Variants in MANEA observed in about 807,000 individuals in gnomAD.
MANEA encodes mannosidase endo-alpha.
MANEA carries 25 observed loss-of-function variants against 36.8 expected under a neutral mutation model. That is an observed-to-expected ratio of 0.68 (90% CI 0.50 to 0.95). The LOEUF is 0.95. Ranked by LOEUF, MANEA falls within the 40% of genes least tolerant of loss-of-function variation. The pLI, the probability that MANEA is intolerant of heterozygous loss-of-function variation, is 0.00. For synonymous variants in MANEA, 198 were observed against 188.5 expected, an observed-to-expected ratio of 1.05 and a Z score of -0.41; for missense variants, 565 against 558.8, an observed-to-expected ratio of 1.01 and a Z score of -0.11.
At position 95,596,811 on chromosome 6, in the gene MANEA, A is replaced by C; in HGVS notation, c.619A>C (p.Thr207Pro). 1 of 1,599,836 alleles carries C rather than the reference A, an allele frequency of 6.3e-7. No homozygotes were observed. Among genetic ancestry groups the C allele is most frequent in the Non-Finnish European group, 8.6e-7 (1 of 1,167,446 alleles). ...NGEPTDNLVPTILDKAHKYNL... is the reference protein window; with the variant it reads ...NGEPTDNLVPPILDKAHKYNL... ...AGAACCTACTGATAACTTGGTACCC[A>C]CTATTTTGGATAAAGCTCATAAATA... Residue 207 changes from threonine (T) to proline (P), a missense_variant, in exon 3 of 5, where the codon ACT becomes CCT. Coordinates refer to ENST00000358812, the MANE Select transcript of MANEA (RefSeq NM_024641.4).
chr6:95,588,001 C>G (rs1769319480), intron 2 of MANEA, among the ~76,000 whole-genome samples: 1 of 151,860 alleles, frequency 6.6e-6, no homozygotes, highest in Non-Finnish European at 1.5e-5. Flanking sequence ...TTAACTGATT[C>G]TTATTGTTGT....
chr6:95,604,726 T>C, intron 3 of MANEA, 101 bp from the exon 4 acceptor site: 1 of 503,290 alleles, frequency 2.0e-6, no homozygotes, highest in Non-Finnish European at 3.5e-6. Context: ...CATCTTTAAT[T>C]AAGGTGATTA....
At chr6:95,589,900 C>G (rs1769356125) in intron 2 of MANEA, 1 of 152,080 alleles carries the variant, frequency 6.6e-6, no homozygotes, top group Non-Finnish European at 1.5e-5. Flanking sequence ...TATTTGGGTA[C>G]AGCTAATCTA....
Position 95,585,767 on chromosome 6 carries a change from A to T in MANEA, c.-38-635A>T, listed in dbSNP as rs73548677. Among the ~76,000 whole-genome samples the T allele has an allele frequency of 7.3e-3, 1,108 of 152,262 alleles. 15 individuals are homozygous for T. Among genetic ancestry groups the T allele is most frequent in the African/African-American group, 0.026 (1,062 of 41,548 alleles). On this transcript the variant is annotated intron_variant, in intron 1 of 4. Coordinates refer to ENST00000358812, the MANE Select transcript of MANEA (RefSeq NM_024641.4). ...CCTTTTATGAAATTGTTAGTTAAAA[A>T]TTTTTTAGAAAATCTGTTTAATGAC...
At position 95,606,385 on chromosome 6, in the gene MANEA, C is replaced by T. The variant is rs146501555; in HGVS notation, c.1369C>T (p.Arg457Cys). ...SKERATYALD[R>C]QLPVS is the part of the protein sequence containing the mutation. ...GGAAAGAGCAACTTATGCATTAGAT[C>T]GCCAGCTGCCTGTTTCTTAATGCAT... The change falls in exon 5 of 5, where the codon CGC (arginine) becomes TGC (cysteine). Residue 457 changes from arginine (R) to cysteine (C), a missense_variant. Coordinates refer to ENST00000358812, the MANE Select transcript of MANEA (RefSeq NM_024641.4). 26 of 1,593,982 alleles carry T rather than the reference C, an allele frequency of 1.6e-5. No homozygotes were observed. The highest frequency in any genetic ancestry group is 6.7e-5 in the East Asian group (3 of 44,760).
rs752977978 is a variant in MANEA, at chr6:95,586,675, T to G, written c.236T>G (p.Val79Gly). ...SETNTKNLKSVEITMKPSKAS... is the reference protein window; with the variant it reads ...SETNTKNLKSGEITMKPSKAS... ...ACAAATACCAAGAATTTAAAAAGTG[T>G]TGAAATCACTATGAAACCTTCCAAA... The change falls in exon 2 of 5, where the codon GTT becomes GGT. Residue 79 changes from valine (V) to glycine (G), a missense_variant. Transcript: ENST00000358812. 1 of 1,614,022 alleles carries G rather than the reference T, an allele frequency of 6.2e-7. No individual in the cohort carries two copies. Among genetic ancestry groups the G allele is most frequent in the Admixed American group, 1.7e-5 (1 of 60,026 alleles).
chr6:95,594,203 T>C (rs1374096648), intron 2 of MANEA, among the ~76,000 whole-genome samples: 1 of 152,198 alleles, frequency 6.6e-6, no homozygotes, highest in Non-Finnish European at 1.5e-5. Flanking sequence ...TTGAATACTG[T>C]AGTCTAGTAA....
chr6:95,597,866 C>T (rs1467070277), intron 3 of MANEA, among the ~76,000 whole-genome samples: 2 of 151,696 alleles, frequency 1.3e-5, no homozygotes, highest in Non-Finnish European at 2.9e-5. Flanking sequence ...TACTATTGTC[C>T]ACTTTTGGGG....
intron 3 of MANEA, among the ~76,000 whole-genome samples, chr6:95,597,970 T>G (rs1197200557): frequency 6.6e-6 from 1 of 152,104 alleles, no homozygotes. Context: ...ACCTATAGTT[T>G]CAGAAGAGAG....
rs1322905574 is a variant in MANEA at position 95,605,952 on chromosome 6, T to C, written c.936T>C (p.Ile312=). ...TAGAAGAAAAACATAAGTATGATAT[T>C]CTTCAAAGTGGTTTTGATGGAATTT... The part of the protein sequence containing the change: ...LLVEEKHKYD[I]LQSGFDGIYT... The change falls in exon 5 of 5, where the codon ATT becomes ATC. Residue 312 remains isoleucine (I), a synonymous_variant. Transcript: ENST00000358812. 2 of 1,613,876 alleles carry C rather than the reference T, an allele frequency of 1.2e-6. No individual in the cohort carries two copies. The highest frequency in any genetic ancestry group is 2.7e-5 in the African/African-American group (2 of 74,906).
intron 3 of MANEA, among the ~76,000 whole-genome samples, chr6:95,604,059 TAG>T (rs1491295563): frequency 0.015 from 1,945 of 132,920 alleles, 40 homozygotes; most frequent in African/African-American, 0.056. Flanking sequence ...TATATGTATG[TAG>T]GTGTGTGTGT....
chr6:95,592,077 G>T (rs886133626), intron 2 of MANEA, among the ~76,000 whole-genome samples: 3 of 151,996 alleles, frequency 2.0e-5, no homozygotes, highest in African/African-American at 4.8e-5. Flanking sequence ...TATTTATCTC[G>T]CAACTGTTAA....
In MANEA at chr6:95,583,045, T is replaced by A. The variant is rs34820653; in HGVS notation, c.-38-3357T>A. Among the ~76,000 whole-genome samples, 541 of 152,276 alleles carry A rather than the reference T, an allele frequency of 3.6e-3. 8 individuals carry two copies. The highest frequency in any genetic ancestry group is 4.5e-3 in the Non-Finnish European group (308 of 68,018). ...TAGTTTAAATTGGTGTTTTGGTAGG[T>A]TTTCCACTGTTATTATTTCCCCATT... On this transcript the variant is annotated intron_variant, in intron 1 of 4. Transcript: ENST00000358812.
chr6:95,605,528 G>A (rs958725167), intron 4 of MANEA, among the ~76,000 whole-genome samples: 11 of 152,094 alleles, frequency 7.2e-5, no homozygotes, highest in African/African-American at 2.7e-4. Flanking sequence ...CTCAATATGA[G>A]ATGGTTAATA....
intron 3 of MANEA, among the ~76,000 whole-genome samples, chr6:95,597,356 C>CTTCT (rs1471230832): frequency 1.3e-5 from 2 of 151,938 alleles, no homozygotes; most frequent in Non-Finnish European, 2.9e-5. Context: ...TGAGGGAACA[C>CTTCT]TTCTGACAGT....
chr6:95,580,217 T>C (rs899925788), intron 1 of MANEA, among the ~76,000 whole-genome samples: 3 of 152,082 alleles, frequency 2.0e-5, no homozygotes, highest in Non-Finnish European at 2.9e-5. Flanking sequence ...CACACAGATA[T>C]ACATATATAT....
intron 3 of MANEA, among the ~76,000 whole-genome samples, chr6:95,603,847 A>G (rs1238932710): frequency 2.0e-5 from 3 of 152,090 alleles, no homozygotes. Context: ...GTCATCTAAG[A>G]GAAGTATCTT....
intron 2 of MANEA, among the ~76,000 whole-genome samples, chr6:95,593,495 T>C (rs1004323957): frequency 1.3e-5 from 2 of 152,300 alleles, no homozygotes; most frequent in Middle Eastern, 3.4e-3. Context: ...CAGAATAATA[T>C]GGCAGCGCTA....
intron 1 of MANEA, among the ~76,000 whole-genome samples, chr6:95,580,215 T>G (rs1769153323): frequency 6.6e-6 from 1 of 152,078 alleles, no homozygotes; most frequent in Non-Finnish European, 1.5e-5. Context: ...CACACACAGA[T>G]ATACATATAT....
Sources: gnomAD v4.1 joint callset for allele counts (sites outside exome capture counted in the v4.1 genomes callset) on GRCh38, gnomAD v4.1.1 for gene constraint, MANE v1.5 for transcripts, NCBI Gene and HGNC (gene_info 2026-07-23, HGNC 2026-07-21) for gene names.